ATP11A: variants seen among roughly 807,000 people sequenced by gnomAD.
The protein encoded by ATP11A is ATPase phospholipid transporting 11A.
ATP11A carries 81 observed loss-of-function variants against 154.4 expected under a neutral mutation model. The ratio of observed to expected loss-of-function variants is 0.52; its 90% CI spans 0.44 to 0.63. The LOEUF (loss-of-function observed/expected upper bound fraction) is 0.63, where lower values mean the gene tolerates loss of function less well. Among genes scored for constraint, ATP11A ranks in the 30% least tolerant of loss-of-function variants. ATP11A has a pLI of 0.00. For missense variants in ATP11A, 1,316 were observed against 1,474.3 expected, an observed-to-expected ratio of 0.89 and a Z score of 1.76; for synonymous variants, 623 against 585.9, an observed-to-expected ratio of 1.06 and a Z score of -0.91.
chr13:112,744,704 C>T (rs12856490), intron 1 of ATP11A, among the ~76,000 whole-genome samples: 1 of 152,206 alleles, frequency 6.6e-6, no homozygotes, highest in Non-Finnish European at 1.5e-5. Flanking sequence ...CACCTTCCCT[C>T]CTGGTCGACT....
intron 1 of ATP11A, among the ~76,000 whole-genome samples, chr13:112,740,362 C>T (rs1891430435): frequency 6.6e-6 from 1 of 152,002 alleles, no homozygotes; most frequent in South Asian, 2.1e-4. Context: ...TTAGTAGAGA[C>T]AGGGTTTCGC....
rs1052046227 is a variant in ATP11A at position 112,819,963 on chromosome 13, G to A, written c.725+13G>A. On this transcript the variant is annotated intron_variant, in intron 8 of 29. Coordinates refer to ENST00000375645, the MANE Select transcript of ATP11A (RefSeq NM_015205.3). Reference sequence around the variant, plus strand: ...ACCCCGTGGTGAGGTGAGTGCCTCTGCGGATGCCTTGGCCACGGTCACCTC... The same window carrying A: ...ACCCCGTGGTGAGGTGAGTGCCTCTACGGATGCCTTGGCCACGGTCACCTC... 60 of 1,578,010 alleles carry A rather than the reference G, an allele frequency of 3.8e-5. No individual in the cohort carries two copies. Among genetic ancestry groups the A allele is most frequent in the Non-Finnish European group, 5.2e-5 (60 of 1,160,456 alleles).
At chr13:112,743,346 C>G (rs1891748780) in intron 1 of ATP11A, among the ~76,000 whole-genome samples, 1 of 152,008 alleles carries the variant, frequency 6.6e-6, no homozygotes, top group African/African-American at 2.4e-5. Flanking sequence ...GTGTGATGAT[C>G]TGTGCAGATG....
In ATP11A at chr13:112,854,471, C is replaced by T. The variant is rs903463706; in HGVS notation, c.2184C>T (p.Phe728=). 1.7e-5 allele frequency: 27 copies of T among 1,612,518 alleles called. No homozygotes were observed. The highest frequency in any genetic ancestry group is 2.1e-5 in the Non-Finnish European group (25 of 1,180,022). Residue 728 remains phenylalanine, a synonymous_variant, in exon 19 of 30, where the codon TTC becomes TTT. Coordinates refer to ENST00000375645, the MANE Select transcript of ATP11A (RefSeq NM_015205.3). Reference sequence around the variant, plus strand: ...AGCAGAGCCTGCACGACGTCCTGTTCGAGCTGAGCAAGACGGTCCTGCGCC... The same window carrying T: ...AGCAGAGCCTGCACGACGTCCTGTTTGAGCTGAGCAAGACGGTCCTGCGCC... The part of the protein sequence containing the change: ...IEEQSLHDVL[F]ELSKTVLRHS...
chr13:112,804,860 G>T (rs1332026960), intron 2 of ATP11A, 97 bp from the exon 3 acceptor site: 2 of 650,088 alleles, frequency 3.1e-6, no homozygotes, highest in Non-Finnish European at 5.1e-6. Context: ...TAAACATTTT[G>T]TACTGTAAAA....
At chr13:112,719,128 T>C (rs1888851996) in intron 1 of ATP11A, among the ~76,000 whole-genome samples, 1 of 152,070 alleles carries the variant, frequency 6.6e-6, no homozygotes, top group Admixed American at 6.5e-5. Context: ...GGTGAACAGT[T>C]GGAGGGGCCC....
rs78611938 is a variant in ATP11A, at chr13:112,736,466, T to G, written c.39+46011T>G. On this transcript the variant is annotated intron_variant, in intron 1 of 29. Coordinates refer to ENST00000375645, the MANE Select transcript of ATP11A (RefSeq NM_015205.3). ...GTAGCATCTCAGCAACGAAGCGTTA[T>G]CTTACATGTGCTTCACGTTCTACAA... 6.4e-3 allele frequency among the ~76,000 whole-genome samples: 974 copies of G among 152,312 alleles called. 11 individuals are homozygous for G. The highest frequency in any genetic ancestry group is 0.022 in the African/African-American group (934 of 41,564).
At chr13:112,869,027 C>T (rs1013901618) in intron 25 of ATP11A, among the ~76,000 whole-genome samples, 2 of 152,010 alleles carry the variant, frequency 1.3e-5, no homozygotes, top group Non-Finnish European at 2.9e-5. Context: ...ATTCAGTCAC[C>T]TCCCACCAGG....
At position 112,859,058 on chromosome 13, in the gene ATP11A, C is replaced by T; in HGVS notation, c.2668-335C>T. 1 of 311,616 alleles carries T rather than the reference C, an allele frequency of 3.2e-6. No individual in the cohort carries two copies. The highest frequency in any genetic ancestry group is 6.2e-6 in the Non-Finnish European group (1 of 160,946). 19.3% of individuals were successfully genotyped at this position (311,616 alleles called of 1,614,324 possible). A position where few individuals can be genotyped will look rare whatever the true frequency, so the allele number is the denominator to read the frequency against. On this transcript the variant is annotated intron_variant, in intron 22 of 29. Transcript: ENST00000375645. The surrounding 1 kb of genome is among the most constrained non-coding windows in gnomAD (Gnocchi z 4.3). ...GAATTGAGTGTGGAACCAGTGAGAA[C>T]CTTTCAGGTGGAAATGTTTGAGGAA...
chr13:112,828,129 C>CAGTGTTGAGTAGGTGGGAA (rs2078983906), intron 12 of ATP11A, among the ~76,000 whole-genome samples: 4 of 103,512 alleles, frequency 3.9e-5, no homozygotes, highest in East Asian at 2.8e-4. Context: ...AAGCGCCCAG[C>CAGTGTTGAGTAGGTGGGAA]AGCGTTGAGT....
intron 1 of ATP11A, among the ~76,000 whole-genome samples, chr13:112,730,415 C>CA (rs952581800): frequency 1.3e-5 from 2 of 152,178 alleles, no homozygotes; most frequent in African/African-American, 4.8e-5. Context: ...CCAGCTGAGC[C>CA]CACAGCAGTT....
intron 2 of ATP11A, among the ~76,000 whole-genome samples, chr13:112,800,987 C>T (rs2078118273): frequency 6.6e-6 from 1 of 152,180 alleles, no homozygotes; most frequent in Admixed American, 6.5e-5. Flanking sequence ...AGGGGAATTT[C>T]CTGAGCTTCA....
chr13:112,711,446 C>T (rs1008690718), intron 1 of ATP11A, among the ~76,000 whole-genome samples: 2 of 151,640 alleles, frequency 1.3e-5, no homozygotes, highest in African/African-American at 4.9e-5. Context: ...GTCTCTGATA[C>T]ATACGTAAAT....
rs2080939102 is a variant in ATP11A, at chr13:112,884,191, A to T, written c.*2325A>T. 1 of 151,748 alleles carries T rather than the reference A, an allele frequency of 6.6e-6. No homozygotes were observed. The highest frequency in any genetic ancestry group is 2.5e-5 in the African/African-American group (1 of 40,590). The allele number at this position is 151,748 out of a possible 1,614,324, so 9.4% of individuals were successfully genotyped here. A position where few individuals can be genotyped will look rare whatever the true frequency, so the allele number is the denominator to read the frequency against. ...TTCTTTTCTTGGTATTTCTGGTGGC[A>T]GTGATTAGTTGAACAGCACATTTAA... On this transcript the variant is annotated 3_prime_UTR_variant, in exon 30 of 30. Coordinates refer to ENST00000375645, the MANE Select transcript of ATP11A (RefSeq NM_015205.3).
chr13:112,802,455 T>G (rs927013084), intron 2 of ATP11A, among the ~76,000 whole-genome samples: 1 of 149,054 alleles, frequency 6.7e-6, no homozygotes, highest in African/African-American at 2.5e-5. Flanking sequence ...TTCACCCAGA[T>G]AGTCAACCCA....
At chr13:112,760,129 A>T (rs564814430) in intron 1 of ATP11A, among the ~76,000 whole-genome samples, 3 of 152,242 alleles carry the variant, frequency 2.0e-5, no homozygotes, top group African/African-American at 7.2e-5. Context: ...TTAACATCTT[A>T]TAAACAAAAC....
intron 1 of ATP11A, among the ~76,000 whole-genome samples, chr13:112,769,981 AC>A (rs1441517864): frequency 6.8e-6 from 1 of 147,512 alleles, no homozygotes; most frequent in African/African-American, 2.7e-5. Context: ...AATCAGCGTT[AC>A]GTTTGCTCCT....
rs1028243354 is a variant in ATP11A, at chr13:112,785,447, A to T, written c.162+190A>T. The stretch of plus-strand genomic sequence containing the variant: ...ACTCTCTCCCTCTCGGTGACTGCCC[A>T]CAGGAGGCTTTCCACCTGCCCAGGG... On this transcript the variant is annotated intron_variant, in intron 2 of 29. Coordinates refer to ENST00000375645, the MANE Select transcript of ATP11A (RefSeq NM_015205.3). The surrounding 1 kb of genome is among the most constrained non-coding windows in gnomAD (Gnocchi z 4.8). Among the ~76,000 whole-genome samples, 14 of 151,804 alleles carry T rather than the reference A, an allele frequency of 9.2e-5. No homozygotes were observed. The highest frequency in any genetic ancestry group is 2.9e-4 in the African/African-American group (12 of 41,332).
Position 112,855,983 on chromosome 13 carries a change from A to G in ATP11A, c.2316A>G (p.Arg772=). ...CACTGTCTCTGATAATGAAGCCTCG[A>G]GAAGACGGGAGTTCCGGCAACTACA... ...GAALSLIMKP[R]EDGSSGNYRE... Residue 772 remains arginine (R), a synonymous_variant, in exon 20 of 30, where the codon CGA becomes CGG. Coordinates refer to ENST00000375645, the MANE Select transcript of ATP11A (RefSeq NM_015205.3). 6.2e-7 allele frequency: 1 copy of G among 1,614,256 alleles called. No individual in the cohort carries two copies. The highest frequency in any genetic ancestry group is 8.5e-7 in the Non-Finnish European group (1 of 1,180,040).
Sources: allele counts gnomAD v4.1 joint callset (sites outside exome capture counted in the v4.1 genomes callset), GRCh38; gene constraint gnomAD v4.1.1; non-coding constraint Gnocchi (gnomAD v3.1); transcripts MANE v1.5; gene names NCBI Gene and HGNC (gene_info 2026-07-23, HGNC 2026-07-21).